Variants in PCDH15 observed in about 807,000 individuals in gnomAD.
The protein encoded by PCDH15 is protocadherin related 15, also known as protocadherin-15.
PCDH15 carries 129 observed loss-of-function variants against 178.5 expected under a neutral mutation model. The observed-to-expected ratio is 0.72, with a 90% CI of 0.63 to 0.84. PCDH15 has a LOEUF of 0.84. Ranked by LOEUF, PCDH15 falls within the 40% of genes least tolerant of loss-of-function variation. PCDH15 has a pLI of 0.00. For missense variants in PCDH15, 2,230 were observed against 2,099.9 expected (o/e 1.06, Z -1.21); for synonymous variants, 800 against 732.0 (o/e 1.09, Z -1.50).
At chr10:54,022,090 T>C (rs981905753) in intron 19 of PCDH15, among the ~76,000 whole-genome samples, 1 of 151,862 alleles carries the variant, frequency 6.6e-6, no homozygotes, top group Non-Finnish European at 1.5e-5. Context: ...AACATTCAAG[T>C]TGTGGACTGC....
chr10:54,282,114 A>G (rs2058736694), intron 8 of PCDH15, among the ~76,000 whole-genome samples: 1 of 152,124 alleles, frequency 6.6e-6, no homozygotes. Flanking sequence ...TTTTAAATCA[A>G]TGGTACAAAT....
At chr10:54,710,373 A>C (rs1172395398) in intron 1 of PCDH15, among the ~76,000 whole-genome samples, 1 of 152,198 alleles carries the variant, frequency 6.6e-6, no homozygotes, top group East Asian at 1.9e-4. Flanking sequence ...AATCATATTT[A>C]GTTTAATATT....
chr10:54,671,525 A>C (rs1479291641), intron 1 of PCDH15, among the ~76,000 whole-genome samples: 2 of 152,200 alleles, frequency 1.3e-5, no homozygotes, highest in Non-Finnish European at 2.9e-5. Context: ...ATATAAGGGT[A>C]AACTAGTTAA....
At position 55,156,662 on chromosome 10, in the gene PCDH15, T is replaced by C. The variant is rs554494991; in HGVS notation, c.-80+9914A>G. On this transcript the variant is annotated intron_variant, in intron 2 of 5. Coordinates refer to the PCDH15 transcript ENST00000458638. The stretch of plus-strand genomic sequence containing the variant: ...TACTTATTCCCACTCTGCATCTTTC[T>C]GATTTCAGTAGTTGCAATCTCTAGA... Among the ~76,000 whole-genome samples the C allele has an allele frequency of 1.3e-4, 20 of 152,282 alleles. No individual in the cohort carries two copies. In the South Asian group the frequency reaches 3.7e-3, roughly 28 times the overall value.
At chr10:54,591,728 G>T (rs1332714121) in intron 2 of PCDH15, among the ~76,000 whole-genome samples, 2 of 152,000 alleles carry the variant, frequency 1.3e-5, no homozygotes, top group African/African-American at 4.8e-5. Context: ...AAATTAAAAT[G>T]AAACTTAGAA....
At chr10:55,483,019 A>G (rs1840215734) in intron 2 of PCDH15, among the ~76,000 whole-genome samples, 1 of 151,852 alleles carries the variant, frequency 6.6e-6, no homozygotes, top group South Asian at 2.1e-4. Flanking sequence ...GTATATAAAC[A>G]TTAACTCAAG....
intron 26 of PCDH15, among the ~76,000 whole-genome samples, chr10:53,878,308 A>AGTC (rs1376452324): frequency 6.3e-4 from 45 of 71,514 alleles, no homozygotes; most frequent in South Asian, 3.3e-3. Context: ...TATAGACTAT[A>AGTC]TATATTCTAT....
intron 2 of PCDH15, among the ~76,000 whole-genome samples, chr10:54,931,447 A>G (rs1209607732): frequency 2.0e-5 from 3 of 152,278 alleles, no homozygotes; most frequent in South Asian, 2.1e-4. Flanking sequence ...CTAGTGGGCA[A>G]CCAGTGAATT....
At chr10:55,496,393 T>G (rs1840535239) in intron 2 of PCDH15, among the ~76,000 whole-genome samples, 1 of 151,928 alleles carries the variant, frequency 6.6e-6, no homozygotes, top group South Asian at 2.1e-4. Context: ...TCATTAGTAA[T>G]GATAATATGA....
chr10:54,924,914 C>A (rs576106462), intron 2 of PCDH15, among the ~76,000 whole-genome samples: 4 of 152,124 alleles, frequency 2.6e-5, no homozygotes, highest in African/African-American at 7.2e-5. Flanking sequence ...CTATGTTGAT[C>A]GTTTATTTTG....
At chr10:55,009,231 G>A (rs979664835) in intron 2 of PCDH15, among the ~76,000 whole-genome samples, 1 of 148,578 alleles carries the variant, frequency 6.7e-6, no homozygotes, top group African/African-American at 2.5e-5. Context: ...CTGAAATTTT[G>A]TTTTAATTGC....
In PCDH15 at chr10:54,207,364, TTGTGTGTGTGTGTATGTGTG is replaced by T. The variant is rs1250693507; in HGVS notation, c.1098+6552_1098+6571del. ...GAAGAAACACAAATACTGTTTTGTTTTGTGTGTGTGTGTATGTGTGTGTGTGTGTGTGTGTGTGTGTGTGT... is the reference window on the plus strand; with the variant it reads ...GAAGAAACACAAATACTGTTTTGTTTTGTGTGTGTGTGTGTGTGTGTGTGT... On this transcript the variant is annotated intron_variant, in intron 10 of 37. Coordinates refer to ENST00000644397, the MANE Select transcript of PCDH15 (RefSeq NM_001384140.1). Among the ~76,000 whole-genome samples the T allele has an allele frequency of 4.9e-4, 43 of 87,582 alleles. No homozygotes were observed. In the East Asian group the frequency reaches 6.1e-3, roughly 12 times the overall value. The allele number at this position is 87,582 out of a possible 152,430, so 57.5% of individuals were successfully genotyped here.
At chr10:54,173,183 T>A (rs1182572318) in intron 13 of PCDH15, among the ~76,000 whole-genome samples, 1 of 152,188 alleles carries the variant, frequency 6.6e-6, no homozygotes, top group African/African-American at 2.4e-5. Flanking sequence ...AATTTGATGA[T>A]CTAAGTCATA....
intron 2 of PCDH15, among the ~76,000 whole-genome samples, chr10:55,363,015 G>C (rs1296260832): frequency 6.6e-6 from 1 of 152,132 alleles, no homozygotes; most frequent in Non-Finnish European, 1.5e-5. Context: ...TTTGGGTTGG[G>C]CCACATTCAA....
At chr10:54,538,411 G>T (rs1388108538) in intron 2 of PCDH15, among the ~76,000 whole-genome samples, 2 of 152,172 alleles carry the variant, frequency 1.3e-5, no homozygotes, top group East Asian at 3.8e-4. Flanking sequence ...TCAAAAATCA[G>T]ATGATTGTAG....
chr10:54,090,952 A>G (rs1466574307), intron 15 of PCDH15, among the ~76,000 whole-genome samples: 1 of 152,196 alleles, frequency 6.6e-6, no homozygotes, highest in African/African-American at 2.4e-5. Flanking sequence ...TATCTGGTAC[A>G]TTGTAAGCTT....
intron 2 of PCDH15, among the ~76,000 whole-genome samples, chr10:54,647,326 T>C (rs2094151533): frequency 6.6e-6 from 1 of 151,894 alleles, no homozygotes; most frequent in Non-Finnish European, 1.5e-5. Flanking sequence ...AATAGACTGG[T>C]GCCAGGGGAA....
chr10:54,316,023 T>A (rs2061246261), intron 8 of PCDH15, among the ~76,000 whole-genome samples: 1 of 151,916 alleles, frequency 6.6e-6, no homozygotes, highest in African/African-American at 2.4e-5. Flanking sequence ...TAATGGCATA[T>A]AACTTTAGGT....
intron 2 of PCDH15, among the ~76,000 whole-genome samples, chr10:54,919,227 CAT>C (rs980672370): frequency 7.9e-5 from 12 of 152,078 alleles, no homozygotes; most frequent in Non-Finnish European, 1.3e-4. Flanking sequence ...ATAAATCAGA[CAT>C]GTGATATTAT....
Sources: allele counts gnomAD v4.1 joint callset (sites outside exome capture counted in the v4.1 genomes callset), GRCh38; gene constraint gnomAD v4.1.1; transcripts MANE v1.5; gene names NCBI Gene and HGNC (gene_info 2026-07-23, HGNC 2026-07-21).